Variants in KIF5C observed in about 807,000 individuals in gnomAD.
The protein encoded by KIF5C is kinesin heavy chain isoform 5C.
KIF5C carries 18 observed loss-of-function variants against 125.2 expected under a neutral mutation model. The observed-to-expected ratio is 0.14, with a 90% CI of 0.10 to 0.21. The LOEUF (loss-of-function observed/expected upper bound fraction) is 0.21, where lower values mean the gene tolerates loss of function less well. Among genes scored for constraint, KIF5C ranks in the 10% least tolerant of loss-of-function variants. The pLI is 1.00. For missense variants in KIF5C, 780 were observed against 1,183.8 expected, an observed-to-expected ratio of 0.66 and a Z score of 5.01; for synonymous variants, 405 against 434.0, an observed-to-expected ratio of 0.93 and a Z score of 0.83.
chr2:148,924,990 T>G lies in KIF5C; in HGVS notation c.217+2763T>G, dbSNP rs1446317874. ...TTGAGTACAGGGAAAGAGACAGATG[T>G]GTACATAATCATCACACACATAGGC... On this transcript the variant is annotated intron_variant, in intron 2 of 25. Transcript: ENST00000435030. The surrounding 1 kb of genome is among the most constrained non-coding windows in gnomAD (Gnocchi z 4.0). 2.0e-5 allele frequency among the ~76,000 whole-genome samples: 3 copies of G among 152,198 alleles called. No individual in the cohort carries two copies. Among genetic ancestry groups the G allele is most frequent in the Non-Finnish European group, 4.4e-5 (3 of 68,038 alleles).
At chr2:149,013,791 G>A (rs1682281276) in intron 25 of KIF5C, among the ~76,000 whole-genome samples, 1 of 152,112 alleles carries the variant, frequency 6.6e-6, no homozygotes, top group Non-Finnish European at 1.5e-5. Context: ...ATTTTATGTA[G>A]GCTCCAAACA....
At chr2:148,891,982 G>A (rs1489126174) in intron 1 of KIF5C, among the ~76,000 whole-genome samples, 1 of 152,190 alleles carries the variant, frequency 6.6e-6, no homozygotes, top group Non-Finnish European at 1.5e-5. Flanking sequence ...ATAGGCATGA[G>A]CCACTGCATC....
chr2:148,928,095 T>TA (rs999222347), intron 2 of KIF5C, among the ~76,000 whole-genome samples: 9 of 152,038 alleles, frequency 5.9e-5, no homozygotes, highest in Admixed American at 1.3e-4. Flanking sequence ...AAAATTTTTT[T>TA]AAAAAACATA....
chr2:149,006,360 C>T (rs1042376085), intron 22 of KIF5C, among the ~76,000 whole-genome samples: 11 of 152,078 alleles, frequency 7.2e-5, no homozygotes, highest in Non-Finnish European at 1.3e-4. Context: ...GACACAAATT[C>T]CTAGAAGGGA....
intron 1 of KIF5C, among the ~76,000 whole-genome samples, chr2:148,909,702 C>A (rs1239821797): frequency 6.6e-6 from 1 of 152,126 alleles, no homozygotes; most frequent in Non-Finnish European, 1.5e-5. Flanking sequence ...GAGCTCTCAG[C>A]ACTATGGCTA....
At chr2:149,002,726 A>G (rs183022507) in intron 21 of KIF5C, among the ~76,000 whole-genome samples, 12 of 152,058 alleles carry the variant, frequency 7.9e-5, no homozygotes, top group Non-Finnish European at 1.6e-4. Context: ...AGGCGCATTC[A>G]CACCCGTCAC....
chr2:148,977,933 G>A (rs1484397231), intron 12 of KIF5C, among the ~76,000 whole-genome samples: 2 of 152,182 alleles, frequency 1.3e-5, no homozygotes, highest in South Asian at 4.1e-4. Flanking sequence ...AGTACAGGGT[G>A]TGTTTTTCTG....
chr2:148,969,460 T>TGTGTGA (rs1482445374), intron 11 of KIF5C, among the ~76,000 whole-genome samples: 2 of 150,004 alleles, frequency 1.3e-5, no homozygotes, highest in African/African-American at 5.0e-5. Flanking sequence ...TGTGTGTGTG[T>TGTGTGA]GTATGTGTGT....
intron 4 of KIF5C, among the ~76,000 whole-genome samples, chr2:148,939,287 A>G (rs1682358350): frequency 6.6e-6 from 1 of 152,232 alleles, no homozygotes; most frequent in African/African-American, 2.4e-5. Flanking sequence ...TGTTTGCCCA[A>G]CTATAAATTA....
At chr2:148,909,598 C>T (rs145801394) in intron 1 of KIF5C, among the ~76,000 whole-genome samples, 1 of 152,232 alleles carries the variant, frequency 6.6e-6, no homozygotes, top group South Asian at 2.1e-4. Context: ...ATTTGTAAAA[C>T]TGTAAGAAAG....
intron 25 of KIF5C, among the ~76,000 whole-genome samples, chr2:149,021,360 A>C (rs929734311): frequency 6.6e-6 from 1 of 150,924 alleles, no homozygotes; most frequent in Non-Finnish European, 1.5e-5. Context: ...CAGCCACTGC[A>C]CTTGGCCAAG....
Position 148,983,687 on chromosome 2 carries a change from G to C in KIF5C, c.1637G>C (p.Arg546Thr). Residue 546 changes from arginine (R) to threonine (T), a missense_variant, in exon 15 of 26, where the codon AGG becomes ACG. Arg to Thr is a moderately conservative substitution (Grantham distance 71, BLOSUM62 -1). Around this residue, in one of 2 missense-constraint regions of KIF5C, gnomAD observed 573 missense variants for 742.6 expected, o/e 0.77. Coordinates refer to ENST00000435030, the MANE Select transcript of KIF5C (RefSeq NM_004522.3). ...GAGCTTAGCAACCACCAGAAGAAAA[G>C]GGCAACTGAGATCCTGAATTTGCTG... Reference protein sequence around the residue: ...LQELSNHQKKRATEILNLLLK... With the variant: ...LQELSNHQKKTATEILNLLLK... 1 of 1,611,510 alleles carries C rather than the reference G, an allele frequency of 6.2e-7. No individual in the cohort carries two copies. Among genetic ancestry groups the C allele is most frequent in the Non-Finnish European group, 8.5e-7 (1 of 1,178,270 alleles).
intron 1 of KIF5C, among the ~76,000 whole-genome samples, chr2:148,913,779 A>C (rs574969253): frequency 1.3e-5 from 2 of 152,174 alleles, no homozygotes; most frequent in African/African-American, 2.4e-5. Context: ...GCTCAGTGCT[A>C]TCCTTGTTAT....
At chr2:149,005,819 A>G in intron 22 of KIF5C, among the ~76,000 whole-genome samples, 1 of 152,250 alleles carries the variant, frequency 6.6e-6, no homozygotes, top group East Asian at 1.9e-4. Context: ...GAGAAGTCGG[A>G]CAGAGAGAGC....
intron 18 of KIF5C, 60 bp downstream of exon 18, chr2:148,997,400 A>G (rs746062931): frequency 6.2e-7 from 1 of 1,610,464 alleles, no homozygotes; most frequent in East Asian, 2.2e-5. Context: ...TGGATTGGAA[A>G]TGCTTGTTCT....
intron 1 of KIF5C, among the ~76,000 whole-genome samples, chr2:148,887,825 C>G (rs1422922551): frequency 6.6e-6 from 1 of 151,884 alleles, no homozygotes; most frequent in Non-Finnish European, 1.5e-5. Flanking sequence ...GCCCTCCCCA[C>G]GCTAGTAGTA....
At chr2:148,926,089 G>A (rs957679825) in intron 2 of KIF5C, among the ~76,000 whole-genome samples, 2 of 152,190 alleles carry the variant, frequency 1.3e-5, no homozygotes, top group African/African-American at 4.8e-5. Context: ...CCATGCCTCC[G>A]TAGGACTACT....
chr2:148,984,153 A>G (rs982332665), intron 15 of KIF5C, among the ~76,000 whole-genome samples: 1 of 152,230 alleles, frequency 6.6e-6, no homozygotes, highest in African/African-American at 2.4e-5. Context: ...AGTGAAGTGA[A>G]AATTCTCCAA....
Position 148,922,200 on chromosome 2 carries a change from A to C in KIF5C, c.190A>C (p.Asn64His). Residue 64 changes from asparagine to histidine, a missense_variant, in exon 2 of 26, where the codon AAT becomes CAT. By Grantham distance (68) the Asn-to-His change is moderately conservative. Coordinates refer to ENST00000435030, the MANE Select transcript of KIF5C (RefSeq NM_004522.3). Reference protein sequence around the residue: ...PPNTTQEQVYNACAKQIVKDV... With the variant: ...PPNTTQEQVYHACAKQIVKDV... ...CAACACGACCCAAGAGCAGGTTTAC[A>C]ATGCATGTGCGAAGCAAATTGTCAA... 1 of 1,613,084 alleles carries C rather than the reference A, an allele frequency of 6.2e-7. No individual in the cohort carries two copies. Among genetic ancestry groups the C allele is most frequent in the Non-Finnish European group, 8.5e-7 (1 of 1,179,380 alleles).
Sources: gnomAD v4.1 joint callset for allele counts (sites outside exome capture counted in the v4.1 genomes callset) on GRCh38, gnomAD v4.1.1 for gene constraint, gnomAD v4.1.1 regional missense constraint, Gnocchi (gnomAD v3.1) non-coding constraint, MANE v1.5 for transcripts, NCBI Gene and HGNC (gene_info 2026-07-23, HGNC 2026-07-21) for gene names.